CCDC88C: variants seen among roughly 807,000 people sequenced by gnomAD.
The protein encoded by CCDC88C is coiled-coil and HOOK domain protein 88C.
A neutral mutation model predicts 198.8 loss-of-function variants in CCDC88C; 131 were observed. That is an observed-to-expected ratio of 0.66 (90% CI 0.57 to 0.76). The LOEUF (loss-of-function observed/expected upper bound fraction) is 0.76. CCDC88C is among the 30% of genes least tolerant of loss of function. The pLI is 0.00. For synonymous variants in CCDC88C, 1,166 were observed against 1,114.7 expected, an observed-to-expected ratio of 1.05 and a Z score of -0.92; for missense variants, 2,553 against 2,631.6, an observed-to-expected ratio of 0.97 and a Z score of 0.65.
Position 91,338,882 on chromosome 14 carries a change from C to T in CCDC88C, c.810-312G>A. The T allele has an allele frequency of 2.1e-6, 1 of 483,714 alleles. No homozygotes were observed. Among genetic ancestry groups the T allele is most frequent in the Non-Finnish European group, 3.8e-6 (1 of 264,036 alleles). 30.0% of individuals were successfully genotyped at this position (483,714 alleles called of 1,614,324 possible). On this transcript the variant is annotated intron_variant, in intron 8 of 29. Transcript: ENST00000389857. This position sits in a 1 kb window ranked among gnomAD's most constrained non-coding sequence, Gnocchi z 4.8. ...ACAGCCAGGCTCCACAGGTGACATC[C>T]ATCAGCTGCAGGAAACCTGGGAGAA...
chr14:91,376,068 G>GGAGGAGACCT (rs1567107917), intron 3 of CCDC88C, among the ~76,000 whole-genome samples: 1 of 152,148 alleles, frequency 6.6e-6, no homozygotes. Context: ...ATGTATCTGC[G>GGAGGAGACCT]GAGGAGACCT....
At position 91,273,978 on chromosome 14, in the gene CCDC88C, G is replaced by A. The variant is rs772660199; in HGVS notation, c.5059-325C>T. On this transcript the variant is annotated intron_variant, in intron 29 of 29. Coordinates refer to ENST00000389857, the MANE Select transcript of CCDC88C (RefSeq NM_001080414.4). This position sits in a 1 kb window ranked among gnomAD's most constrained non-coding sequence, Gnocchi z 5.6. Reference sequence around the variant, plus strand: ...AAGTTTCCCAGAAACCTCGACTATAGCCGACTGCTTCGGTCTGTCTGGTTT... The same window carrying A: ...AAGTTTCCCAGAAACCTCGACTATAACCGACTGCTTCGGTCTGTCTGGTTT... Among the ~76,000 whole-genome samples, 16 of 152,144 alleles carry A rather than the reference G, an allele frequency of 1.1e-4. No individual in the cohort carries two copies. Among genetic ancestry groups the A allele is most frequent in the Non-Finnish European group, 2.1e-4 (14 of 68,022 alleles).
At chr14:91,349,174 C>A (rs970347617) in intron 4 of CCDC88C, among the ~76,000 whole-genome samples, 2 of 152,182 alleles carry the variant, frequency 1.3e-5, no homozygotes, top group Non-Finnish European at 2.9e-5. Flanking sequence ...CAGCTCCCTG[C>A]CAAGTACCTA....
Position 91,359,726 on chromosome 14 carries a change from G to C in CCDC88C, c.271-15C>G. The C allele has an allele frequency of 6.2e-7, 1 of 1,604,068 alleles. No individual in the cohort carries two copies. The highest frequency in any genetic ancestry group is 8.5e-7 in the Non-Finnish European group (1 of 1,174,166). On this transcript the variant is annotated splice_polypyrimidine_tract_variant and intron_variant, in intron 3 of 29. Coordinates refer to ENST00000389857, the MANE Select transcript of CCDC88C (RefSeq NM_001080414.4). ...TGGAGAACTTCCTGCAGAAACAAAG[G>C]GGGAAAAGATACCATTAAGAACCGG...
intron 3 of CCDC88C, among the ~76,000 whole-genome samples, chr14:91,375,195 A>G (rs975319280): frequency 4.6e-5 from 7 of 152,190 alleles, no homozygotes; most frequent in Non-Finnish European, 1.0e-4. Context: ...AGCAGGGCTC[A>G]GCCATCATTT....
intron 23 of CCDC88C, among the ~76,000 whole-genome samples, chr14:91,293,422 C>T (rs372005868): frequency 5.2e-5 from 7 of 134,546 alleles, no homozygotes; most frequent in Middle Eastern, 5.9e-3. Flanking sequence ...TCACCTGCCA[C>T]GGCCCACCTT....
At chr14:91,323,563 A>G (rs1436572840) in intron 12 of CCDC88C, among the ~76,000 whole-genome samples, 1 of 152,218 alleles carries the variant, frequency 6.6e-6, no homozygotes, top group East Asian at 1.9e-4. Context: ...TCTAGCAAAC[A>G]CTAGAATGAT....
At chr14:91,384,620 C>T (rs1030244588) in intron 3 of CCDC88C, 16 of 402,208 alleles carry the variant, frequency 4.0e-5, no homozygotes, top group South Asian at 1.1e-4. Flanking sequence ...CTGCACACTA[C>T]GCACTGGCAC....
chr14:91,391,672 G>A lies in CCDC88C; in HGVS notation c.270+16987C>T, dbSNP rs1253436971. 2.0e-5 allele frequency among the ~76,000 whole-genome samples: 3 copies of A among 152,218 alleles called. No homozygotes were observed. In the East Asian group the frequency reaches 5.8e-4, roughly 29 times the overall value. On this transcript the variant is annotated intron_variant, in intron 3 of 29. Transcript: ENST00000389857. ...CGTGTGCCTGTAATCCCAGCTACTC[G>A]GGAGGCTGAGGCAGGAGAATCGCTT...
intron 4 of CCDC88C, 22 bp downstream of exon 4, chr14:91,359,620 G>A: frequency 1.3e-6 from 2 of 1,593,150 alleles, no homozygotes; most frequent in Non-Finnish European, 1.7e-6. Context: ...CCACAGGGGA[G>A]AAGGGAGCGG....
intron 25 of CCDC88C, among the ~76,000 whole-genome samples, chr14:91,287,341 A>G (rs1202841857): frequency 6.6e-6 from 1 of 152,146 alleles, no homozygotes; most frequent in Non-Finnish European, 1.5e-5. Flanking sequence ...TAGTCCCTGA[A>G]CAATGTGCGT....
intron 24 of CCDC88C, among the ~76,000 whole-genome samples, chr14:91,289,752 A>G (rs1890580649): frequency 6.6e-6 from 1 of 152,144 alleles, no homozygotes; most frequent in African/African-American, 2.4e-5. Context: ...AATCTGGGTG[A>G]GGTGGAGAGG....
chr14:91,315,350 T>C (rs563615632), intron 14 of CCDC88C, among the ~76,000 whole-genome samples: 3 of 152,172 alleles, frequency 2.0e-5, no homozygotes, highest in African/African-American at 7.2e-5. Flanking sequence ...CTGCAGAATA[T>C]GTAGCAGCAT....
chr14:91,333,687 G>C (rs1181260668), intron 10 of CCDC88C, among the ~76,000 whole-genome samples: 1 of 152,152 alleles, frequency 6.6e-6, no homozygotes. Context: ...TTTTTTTAAG[G>C]GGGGCAAGAT....
chr14:91,366,256 C>T (rs771190964), intron 3 of CCDC88C, among the ~76,000 whole-genome samples: 8 of 151,624 alleles, frequency 5.3e-5, no homozygotes, highest in African/African-American at 1.2e-4. Flanking sequence ...GAGGCCAAGG[C>T]GAGCGGGTCA....
At chr14:91,289,079 A>C in intron 25 of CCDC88C, 26 bp downstream of exon 25, 1 of 1,595,024 alleles carries the variant, frequency 6.3e-7, no homozygotes, top group South Asian at 1.1e-5. Flanking sequence ...TCCTCACCCG[A>C]CCACGGCCAG....
intron 3 of CCDC88C, among the ~76,000 whole-genome samples, chr14:91,393,637 AC>A (rs1885660855): frequency 6.6e-6 from 1 of 152,156 alleles, no homozygotes; most frequent in South Asian, 2.1e-4. Flanking sequence ...GTCCATTTCC[AC>A]CTGAAATATT....
chr14:91,286,631 C>T (rs1309149118), intron 25 of CCDC88C, among the ~76,000 whole-genome samples: 2 of 152,238 alleles, frequency 1.3e-5, no homozygotes, highest in East Asian at 3.8e-4. Context: ...CACAGCACCA[C>T]CTGGTGGCCA....
At chr14:91,311,527 G>A (rs993196946) in intron 15 of CCDC88C, among the ~76,000 whole-genome samples, 1 of 152,154 alleles carries the variant, frequency 6.6e-6, no homozygotes, top group Non-Finnish European at 1.5e-5. Flanking sequence ...ACTCCACTAG[G>A]GGTGCCCAAG....
Sources: gnomAD v4.1 joint callset for allele counts (sites outside exome capture counted in the v4.1 genomes callset) on GRCh38, gnomAD v4.1.1 for gene constraint, Gnocchi (gnomAD v3.1) non-coding constraint, MANE v1.5 for transcripts, NCBI Gene and HGNC (gene_info 2026-07-23, HGNC 2026-07-21) for gene names.